CAD: variants seen among roughly 807,000 people sequenced by gnomAD.
CAD encodes the protein carbamoyl-phosphate synthetase 2, aspartate transcarbamylase, and dihydroorotase, also known as multifunctional protein CAD.
A neutral mutation model predicts 237.2 loss-of-function variants in CAD; 81 were observed. That is an observed-to-expected ratio of 0.34 (90% confidence interval 0.29 to 0.41). The LOEUF (loss-of-function observed/expected upper bound fraction) is 0.41. Ranked by LOEUF, CAD falls within the 10% of genes least tolerant of loss-of-function variation. CAD has a pLI of 1.00. For synonymous variants in CAD, 1,196 were observed against 1,162.8 expected, an observed-to-expected ratio of 1.03 and a Z score of -0.58; for missense variants, 2,181 against 2,951.7, an observed-to-expected ratio of 0.74 and a Z score of 6.05.
intron 1 of CAD, 29 bp downstream of exon 1, chr2:27,217,662 T>C (rs1674931641): frequency 8.9e-6 from 14 of 1,565,364 alleles, no homozygotes; most frequent in Non-Finnish European, 1.1e-5. Context: ...GCTGCAGACC[T>C]TATCCCACTC....
In CAD at chr2:27,239,157, C is replaced by T. The variant is rs747184262; in HGVS notation, c.5178C>T (p.Asp1726=). The stretch of plus-strand genomic sequence containing the variant: ...TAAGCGAGGGCCGGCTCAGCCTGGA[C>T]GACCTGCTGCAGCGATTGCACCACA... ...TAVSEGRLSL[D]DLLQRLHHNP... is the part of the protein sequence containing the mutation. Residue 1726 remains aspartate (D), a synonymous_variant, in exon 32 of 44, where the codon GAC becomes GAT. Transcript: ENST00000264705. This position sits in a 1 kb window ranked among gnomAD's most constrained non-coding sequence, Gnocchi z 4.0. The T allele has an allele frequency of 5.6e-6, 9 of 1,613,278 alleles. No individual in the cohort carries two copies. The highest frequency in any genetic ancestry group is 4.0e-5 in the African/African-American group (3 of 74,914).
At chr2:27,230,619 T>C (rs1675701614) in intron 15 of CAD, among the ~76,000 whole-genome samples, 3 of 150,552 alleles carry the variant, frequency 2.0e-5, no homozygotes, top group Non-Finnish European at 3.0e-5. Context: ...AGAGCGAAAG[T>C]CCATCTAAAA....
At chr2:27,229,667 G>C (rs1052509589) in intron 15 of CAD, among the ~76,000 whole-genome samples, 5 of 151,688 alleles carry the variant, frequency 3.3e-5, no homozygotes, top group Admixed American at 2.0e-4. Flanking sequence ...CATGAGGTCA[G>C]GAGTTTGAGA....
rs908238733 is a variant in CAD, at chr2:27,239,709, C to G, written c.5407C>G (p.Pro1803Ala). The G allele has an allele frequency of 7.6e-6, 12 of 1,588,734 alleles. No homozygotes were observed. In the African/African-American group the frequency reaches 1.5e-4, roughly 20 times the overall value. The part of the protein sequence containing the change: ...AYIDGQVLVP[P>A]GYGQDVRKWP... Reference sequence around the variant, plus strand: ...CTTCTGCCTGCAGGTTCTGGTACCCCCGGGCTATGGACAGGATGTACGGAA... The same window carrying G: ...CTTCTGCCTGCAGGTTCTGGTACCCGCGGGCTATGGACAGGATGTACGGAA... The change falls in exon 34 of 44, where the codon CCG becomes GCG. Residue 1803 changes from proline to alanine, a missense_variant. Transcript: ENST00000264705. This position sits in a 1 kb window ranked among gnomAD's most constrained non-coding sequence, Gnocchi z 4.0.
chr2:27,241,473 T>A lies in CAD; in HGVS notation c.5883+77T>A. 1 of 1,358,994 alleles carries A rather than the reference T, an allele frequency of 7.4e-7. No individual in the cohort carries two copies. The highest frequency in any genetic ancestry group is 1.1e-6 in the Non-Finnish European group (1 of 951,612). The allele number at this position is 1,358,994 out of a possible 1,614,324, so 84.2% of individuals were successfully genotyped here. On this transcript the variant is annotated intron_variant, in intron 38 of 43. Coordinates refer to ENST00000264705, the MANE Select transcript of CAD (RefSeq NM_004341.5). This position sits in a 1 kb window ranked among gnomAD's most constrained non-coding sequence, Gnocchi z 4.6. ...GCATCAGCGCAGGGCCGCGCAGTGG[T>A]CAGAGTGGGTCTTCCTCCCCCTGCC... is the stretch of plus-strand genomic sequence containing the variant.
chr2:27,235,588 G>C lies in CAD; in HGVS notation c.4022G>C (p.Ser1341Thr). 6.2e-7 allele frequency: 1 copy of C among 1,614,200 alleles called. No homozygotes were observed. Among genetic ancestry groups the C allele is most frequent in the Non-Finnish European group, 8.5e-7 (1 of 1,180,036 alleles). Residue 1341 changes from serine (S) to threonine (T), a missense_variant, in exon 25 of 44, where the codon AGC becomes ACC. Coordinates refer to ENST00000264705, the MANE Select transcript of CAD (RefSeq NM_004341.5). This position sits in a 1 kb window ranked among gnomAD's most constrained non-coding sequence, Gnocchi z 5.2. ...CGGCTACTGGAGAGCCTGGGCTACAGCCTCTATGCCAGTCTCGGCACAGCT... is the reference window on the plus strand; with the variant it reads ...CGGCTACTGGAGAGCCTGGGCTACACCCTCTATGCCAGTCTCGGCACAGCT... The part of the protein sequence containing the change: ...TVRLLESLGY[S>T]LYASLGTADF...
In CAD at chr2:27,234,127, T is replaced by C; in HGVS notation, c.3519T>C (p.Asp1173=). The part of the protein sequence containing the change: ...GDATLVTPPQ[D]ITAKTLERIK... ...CGACGCTGGTGACCCCCCCACAAGA[T>C]ATCACTGCCAAAACCCTGGAGCGGA... The change falls in exon 22 of 44, where the codon GAT becomes GAC. Residue 1173 remains aspartate, a synonymous_variant. Coordinates refer to ENST00000264705, the MANE Select transcript of CAD (RefSeq NM_004341.5). The C allele has an allele frequency of 1.2e-6, 2 of 1,614,180 alleles. No individual in the cohort carries two copies. The highest frequency in any genetic ancestry group is 1.7e-6 in the Non-Finnish European group (2 of 1,180,032).
chr2:27,231,430 A>G, intron 15 of CAD, 38 bp from the exon 16 acceptor site: 2 of 1,217,740 alleles, frequency 1.6e-6, no homozygotes, highest in Non-Finnish European at 2.4e-6. Context: ...CACCCCTTCC[A>G]CCTCCACACC....
At chr2:27,220,212 C>G (rs1364169606) in intron 2 of CAD, among the ~76,000 whole-genome samples, 1 of 152,020 alleles carries the variant, frequency 6.6e-6, no homozygotes, top group African/African-American at 2.4e-5. Flanking sequence ...GTGACAAAGA[C>G]ACAAATACAT....
rs1394054253 is a variant in CAD, at chr2:27,226,905, G to A, written c.2230G>A (p.Asp744Asn). The change falls in exon 15 of 44, where the codon GAC becomes AAC. Residue 744 changes from aspartate to asparagine, a missense_variant. Transcript: ENST00000264705. ...DYCVVKIPRW[D>N]LSKFLRVSTK... ...TTGTGTGGTGAAGATTCCTCGATGG[G>A]ACCTTAGCAAGTTCCTGCGAGTCAG... 6.2e-7 allele frequency: 1 copy of A among 1,614,098 alleles called. No homozygotes were observed. The highest frequency in any genetic ancestry group is 8.5e-7 in the Non-Finnish European group (1 of 1,179,960).
At position 27,221,890 on chromosome 2, in the gene CAD, A is replaced by G. The variant is rs915196226; in HGVS notation, c.353-304A>G. Among the ~76,000 whole-genome samples the G allele has an allele frequency of 2.1e-5, 3 of 143,556 alleles. No individual in the cohort carries two copies. The Admixed American group carries it at 2.2e-4, about 11-fold the overall frequency. 94.2% of individuals were successfully genotyped at this position (143,556 alleles called of 152,430 possible). On this transcript the variant is annotated intron_variant, in intron 3 of 43. Transcript: ENST00000264705. ...TTTGAAAACAGGTCATTTTTCCTGTATCTAGTATCCCATAGTCTGCACTTA... is the reference window on the plus strand; with the variant it reads ...TTTGAAAACAGGTCATTTTTCCTGTGTCTAGTATCCCATAGTCTGCACTTA...
In CAD at chr2:27,236,778, T is replaced by C. The variant is rs1284934239; in HGVS notation, c.4344T>C (p.Pro1448=). Residue 1448 remains proline (P), a synonymous_variant, in exon 27 of 44, where the codon CCT becomes CCC. Transcript: ENST00000264705. This position sits in a 1 kb window ranked among gnomAD's most constrained non-coding sequence, Gnocchi z 4.1. ...EALGQIGPAP[P]LKVHVDCMTS... ...TAGGCCAGATCGGGCCAGCCCCTCC[T>C]TTGAAGGTGCATGTTGACTGTATGA... is the stretch of plus-strand genomic sequence containing the variant. 9 of 1,614,166 alleles carry C rather than the reference T, an allele frequency of 5.6e-6. No individual in the cohort carries two copies. The highest frequency in any genetic ancestry group is 7.6e-6 in the Non-Finnish European group (9 of 1,180,022).
chr2:27,223,526 G>C, intron 6 of CAD, 37 bp from the exon 7 acceptor site: 1 of 1,596,980 alleles, frequency 6.3e-7, no homozygotes, highest in Non-Finnish European at 8.6e-7. Flanking sequence ...AAGAGAGGGT[G>C]AGCAGGGCCT....
rs758167324 is a variant in CAD, at chr2:27,242,570, C to CG, written c.6223-44dup. 1.0e-5 allele frequency: 16 copies of CG among 1,561,132 alleles called. No homozygotes were observed. The highest frequency in any genetic ancestry group is 1.8e-5 in the Admixed American group (1 of 56,526). The stretch of plus-strand genomic sequence containing the variant: ...GCTTTTAAAAGCTTGGAAATGATGT[C>CG]GGGGGGCACTCAGTCTGGGATCCCT... On this transcript the variant is annotated intron_variant, in intron 40 of 43. Transcript: ENST00000264705. This position sits in a 1 kb window ranked among gnomAD's most constrained non-coding sequence, Gnocchi z 6.4.
At chr2:27,234,812 AGGTGG>A in intron 23 of CAD, 127 bp downstream of exon 23, 3 of 892,574 alleles carry the variant, frequency 3.4e-6, no homozygotes, top group Middle Eastern at 2.6e-4. Flanking sequence ...GGGGGTAATG[AGGTGG>A]TCATTGTCCC....
At chr2:27,231,782 G>C (rs1675771014) in intron 16 of CAD, among the ~76,000 whole-genome samples, 198 bp from the exon 17 acceptor site, 1 of 152,242 alleles carries the variant, frequency 6.6e-6, no homozygotes, top group African/African-American at 2.4e-5. Context: ...TGAGGAAACT[G>C]AGACATAGGT....
In CAD at chr2:27,234,633, A is replaced by G. The variant is rs1675914651; in HGVS notation, c.3734A>G (p.Glu1245Gly). ...VALATRVIMG[E>G]EVEPVGLMTG... ...TTGGCCACGCGGGTCATCATGGGGG[A>G]AGAAGTGGAACCTGTGGGGCTAATG... The change falls in exon 23 of 44, where the codon GAA (glutamate) becomes GGA (glycine). Residue 1245 changes from glutamate (E) to glycine (G), a missense_variant. Physicochemically the swap from Glu to Gly is moderately conservative, Grantham distance 98 (BLOSUM62 -2). Around this residue, in one of 12 missense-constraint regions of CAD, gnomAD observed 306 missense variants for 607.9 expected, o/e 0.50. Coordinates refer to ENST00000264705, the MANE Select transcript of CAD (RefSeq NM_004341.5). 6.8e-6 allele frequency: 11 copies of G among 1,613,788 alleles called. No individual in the cohort carries two copies. The highest frequency in any genetic ancestry group is 9.3e-6 in the Non-Finnish European group (11 of 1,179,962).
chr2:27,224,398 T>C lies in CAD; in HGVS notation c.1162T>C (p.Ser388Pro), dbSNP rs771639772. Residue 388 changes from serine to proline, a missense_variant, in exon 9 of 44, where the codon TCT (serine) becomes CCT (proline). Physicochemically the swap from Ser to Pro is moderately conservative, Grantham distance 74. This residue lies in a region of CAD where 129 missense variants were observed against 143.3 expected (regional missense o/e 0.90). Transcript: ENST00000264705. The part of the protein sequence containing the change: ...LCPPGIPTPG[S>P]GLPPPRKVLI... ...TCCCCCTGGGATTCCCACTCCCGGCTCTGGACTTCCACCACCACGAAAGGT... is the reference window on the plus strand; with the variant it reads ...TCCCCCTGGGATTCCCACTCCCGGCCCTGGACTTCCACCACCACGAAAGGT... 1.9e-6 allele frequency: 3 copies of C among 1,614,204 alleles called. No homozygotes were observed. The South Asian group carries it at 3.3e-5, about 18-fold the overall frequency.
In CAD at chr2:27,232,822, G is replaced by A; in HGVS notation, c.2892+128G>A. On this transcript the variant is annotated intron_variant, in intron 18 of 43. Coordinates refer to ENST00000264705, the MANE Select transcript of CAD (RefSeq NM_004341.5). The surrounding 1 kb of genome is among the most constrained non-coding windows in gnomAD (Gnocchi z 4.1). Reference sequence around the variant, plus strand: ...TTTGGTCATAGAGCTTTGGGGTGGGGGTCCTTTTAGGCCATCTCTCATGCC... The same window carrying A: ...TTTGGTCATAGAGCTTTGGGGTGGGAGTCCTTTTAGGCCATCTCTCATGCC... 8.7e-7 allele frequency: 1 copy of A among 1,151,910 alleles called. No individual in the cohort carries two copies. The highest frequency in any genetic ancestry group is 1.3e-6 in the Non-Finnish European group (1 of 790,780). The allele number at this position is 1,151,910 out of a possible 1,614,324, so 71.4% of individuals were successfully genotyped here. A position where few individuals can be genotyped will look rare whatever the true frequency, so the allele number is the denominator to read the frequency against.
Sources: allele counts gnomAD v4.1 joint callset (sites outside exome capture counted in the v4.1 genomes callset), GRCh38; gene constraint gnomAD v4.1.1; regional missense constraint gnomAD v4.1.1; non-coding constraint Gnocchi (gnomAD v3.1); transcripts MANE v1.5; gene names NCBI Gene and HGNC (gene_info 2026-07-23, HGNC 2026-07-21).